SLC25A26: variants seen among roughly 807,000 people sequenced by gnomAD.
SLC25A26 encodes mitochondrial S-adenosylmethionine carrier protein.
A neutral mutation model predicts 37.8 loss-of-function variants in SLC25A26; 36 were observed. That is an observed-to-expected ratio of 0.95 (90% CI 0.73 to 1.26). The LOEUF (loss-of-function observed/expected upper bound fraction) is 1.26, where lower values mean the gene tolerates loss of function less well. SLC25A26 is among the 50% of genes most tolerant of loss of function. The pLI, the probability that SLC25A26 is intolerant of heterozygous loss-of-function variation, is 0.00. For synonymous variants in SLC25A26, 129 were observed against 122.5 expected (o/e 1.05, Z -0.35); for missense variants, 390 against 331.1 (o/e 1.18, Z -1.38).
At chr3:66,221,202 C>T in intron 1 of SLC25A26, 75 bp downstream of exon 1, 3 of 1,418,768 alleles carry the variant, frequency 2.1e-6, no homozygotes, top group Non-Finnish European at 2.8e-6. Context: ...GTTCTCTGCA[C>T]TGGTTTTCTT....
intron 2 of SLC25A26, among the ~76,000 whole-genome samples, chr3:66,238,394 T>A (rs2072402082): frequency 6.6e-6 from 1 of 152,074 alleles, no homozygotes; most frequent in Non-Finnish European, 1.5e-5. Context: ...TATTATTATT[T>A]TTTGAGATGG....
chr3:66,345,036 T>G, intron 5 of SLC25A26, among the ~76,000 whole-genome samples: 1 of 152,182 alleles, frequency 6.6e-6, no homozygotes, highest in East Asian at 1.9e-4. Context: ...GCTTACAAAG[T>G]GCATATTTGC....
At chr3:66,331,419 A>G (rs2075971165) in intron 5 of SLC25A26, among the ~76,000 whole-genome samples, 1 of 152,208 alleles carries the variant, frequency 6.6e-6, no homozygotes, top group Non-Finnish European at 1.5e-5. Flanking sequence ...CTTTAAAAAA[A>G]TCCCATTTAG....
rs17044321 is a variant in SLC25A26 at position 66,343,456 on chromosome 3, G to T, written c.454-2908G>T. On this transcript the variant is annotated intron_variant, in intron 5 of 9. Coordinates refer to ENST00000354883, the MANE Select transcript of SLC25A26 (RefSeq NM_001379210.1). ...GAGAGTAAAGCTGGGGTTTACTGTC[G>T]CTCCCTTTTTAAACTAAATACCCAG... 3.7e-3 allele frequency among the ~76,000 whole-genome samples: 567 copies of T among 152,144 alleles called. 5 individuals are homozygous for T. Among genetic ancestry groups the T allele is most frequent in the African/African-American group, 0.013 (530 of 41,480 alleles).
intron 5 of SLC25A26, among the ~76,000 whole-genome samples, chr3:66,328,615 T>C (rs567756327): frequency 3.3e-5 from 5 of 152,340 alleles, no homozygotes; most frequent in African/African-American, 9.6e-5. Flanking sequence ...TTAAAAGATC[T>C]TTAAAGTCTC....
chr3:66,320,225 A>C (rs1374863425), intron 5 of SLC25A26, among the ~76,000 whole-genome samples: 1 of 152,182 alleles, frequency 6.6e-6, no homozygotes, highest in Non-Finnish European at 1.5e-5. Flanking sequence ...TCATCACTCC[A>C]GATACAAACT....
At chr3:66,135,466 A>G (rs934785457) in intron 1 of SLC25A26, among the ~76,000 whole-genome samples, 4 of 152,196 alleles carry the variant, frequency 2.6e-5, no homozygotes, top group African/African-American at 7.2e-5. Flanking sequence ...AATGTGAACA[A>G]TTGTTAATTG....
intron 5 of SLC25A26, among the ~76,000 whole-genome samples, chr3:66,319,004 C>A (rs536526326): frequency 1.3e-5 from 2 of 152,120 alleles, no homozygotes; most frequent in Non-Finnish European, 2.9e-5. Flanking sequence ...TTGTGACTTG[C>A]GCTATACTTA....
chr3:66,181,253 G>A (rs1412546426), intron 1 of SLC25A26, among the ~76,000 whole-genome samples: 1 of 152,202 alleles, frequency 6.6e-6, no homozygotes, highest in Non-Finnish European at 1.5e-5. Context: ...AGGTAGTGGA[G>A]TGGTTAAAAG....
rs573433846 is a variant in SLC25A26, at chr3:66,336,540, G to A, written c.454-9824G>A. Among the ~76,000 whole-genome samples the A allele has an allele frequency of 2.6e-5, 4 of 152,278 alleles. No homozygotes were observed. In the South Asian group the frequency reaches 6.2e-4, roughly 24 times the overall value. On this transcript the variant is annotated intron_variant, in intron 5 of 9. Coordinates refer to ENST00000354883, the MANE Select transcript of SLC25A26 (RefSeq NM_001379210.1). ...TTCCTGACCCTGTGCGAGTTCTAAC[G>A]TTTTGATAGGAATTCTGGTTTTGGA...
chr3:66,203,319 T>A (rs1394772847), intron 1 of SLC25A26, among the ~76,000 whole-genome samples: 1 of 151,892 alleles, frequency 6.6e-6, no homozygotes, highest in African/African-American at 2.4e-5. Context: ...AATTTGTGGC[T>A]GCAGTGAGTG....
intron 5 of SLC25A26, among the ~76,000 whole-genome samples, chr3:66,315,353 T>G (rs927486647): frequency 6.6e-6 from 1 of 152,206 alleles, no homozygotes; most frequent in Non-Finnish European, 1.5e-5. Flanking sequence ...AATAACTTCT[T>G]GATTTCTGCC....
chr3:66,251,677 T>C (rs9990197), intron 3 of SLC25A26, among the ~76,000 whole-genome samples: 5,567 of 152,254 alleles, frequency 0.037, 358 homozygotes, highest in African/African-American at 0.13. Context: ...TCATCTATAG[T>C]ACAGGCATGA....
At chr3:66,150,491 C>G (rs371707447) in intron 1 of SLC25A26, among the ~76,000 whole-genome samples, 4 of 113,026 alleles carry the variant, frequency 3.5e-5, no homozygotes, top group Admixed American at 9.2e-5. Context: ...GAGCAAGACT[C>G]TATCTCAAGA....
intron 1 of SLC25A26, among the ~76,000 whole-genome samples, chr3:66,222,039 CA>C (rs1553658710): frequency 6.6e-6 from 1 of 151,984 alleles, no homozygotes; most frequent in African/African-American, 2.4e-5. Context: ...GGATAAATAA[CA>C]GGTGGGCTAG....
chr3:66,362,052 C>A (rs549301510), intron 6 of SLC25A26, among the ~76,000 whole-genome samples: 1 of 152,188 alleles, frequency 6.6e-6, no homozygotes, highest in South Asian at 2.1e-4. Flanking sequence ...GTGATGATAA[C>A]AAGTATTGGG....
intron 2 of SLC25A26, among the ~76,000 whole-genome samples, chr3:66,238,249 A>G (rs965507264): frequency 1.4e-5 from 2 of 146,734 alleles, no homozygotes; most frequent in African/African-American, 5.3e-5. Context: ...AAAAATCAGA[A>G]TATAACTTTT....
At chr3:66,337,291 G>T (rs372008213) in intron 5 of SLC25A26, among the ~76,000 whole-genome samples, 1 of 152,020 alleles carries the variant, frequency 6.6e-6, no homozygotes, top group African/African-American at 2.4e-5. Flanking sequence ...AAATGTTAAC[G>T]CTTGGTCTTA....
At chr3:66,326,913 A>G (rs1236172704) in intron 5 of SLC25A26, among the ~76,000 whole-genome samples, 1 of 152,200 alleles carries the variant, frequency 6.6e-6, no homozygotes, top group Non-Finnish European at 1.5e-5. Context: ...GGCCATGCAG[A>G]CTGGTGGGTT....
Sources: allele counts gnomAD v4.1 joint callset (sites outside exome capture counted in the v4.1 genomes callset), GRCh38; gene constraint gnomAD v4.1.1; transcripts MANE v1.5; gene names NCBI Gene and HGNC (gene_info 2026-07-23, HGNC 2026-07-21).